The following RBFOX1 variants were observed in gnomAD, a reference collection of about 807,000 sequenced individuals.
RBFOX1 encodes the protein RNA binding protein fox-1 homolog 1.
Under a neutral mutation model 57.7 loss-of-function variants are expected in RBFOX1, and 8 were observed. The observed-to-expected ratio is 0.14, with a 90% confidence interval of 0.08 to 0.25. RBFOX1 has a LOEUF of 0.25. Among genes scored for constraint, RBFOX1 ranks in the 10% least tolerant of loss-of-function variants. RBFOX1 has a pLI of 1.00. For missense variants in RBFOX1, 611 were observed against 548.5 expected (o/e 1.11, Z -1.14); for synonymous variants, 326 against 222.4 (o/e 1.47, Z -4.15).
intron 4 of RBFOX1, among the ~76,000 whole-genome samples, chr16:5,955,112 C>T (rs1205310923): frequency 5.1e-5 from 1 of 19,478 alleles, no homozygotes; most frequent in Non-Finnish European, 8.5e-5. Flanking sequence ...GAAACTCCAT[C>T]TCTACTAAAA....
At chr16:7,082,305 G>T (rs2059322414) in intron 4 of RBFOX1, among the ~76,000 whole-genome samples, 2 of 152,142 alleles carry the variant, frequency 1.3e-5, no homozygotes, top group African/African-American at 4.8e-5. Context: ...TCCAGGCTGG[G>T]CGTGGTCGTT....
intron 3 of RBFOX1, among the ~76,000 whole-genome samples, chr16:5,829,776 G>C (rs1312486790): frequency 6.6e-6 from 1 of 152,152 alleles, no homozygotes; most frequent in Non-Finnish European, 1.5e-5. Context: ...TGCCCCAAAG[G>C]CCTTTGAATG....
intron 1 of RBFOX1, among the ~76,000 whole-genome samples, chr16:6,060,483 C>T (rs1194201772): frequency 6.6e-6 from 1 of 152,142 alleles, no homozygotes; most frequent in Non-Finnish European, 1.5e-5. Context: ...ATGAGACCTG[C>T]TCTCCTTGTC....
chr16:5,902,778 T>A (rs1232872762), intron 4 of RBFOX1, among the ~76,000 whole-genome samples: 1 of 152,142 alleles, frequency 6.6e-6, no homozygotes, highest in Non-Finnish European at 1.5e-5. Flanking sequence ...CCTCCTTTTT[T>A]TGATTCCAAG....
intron 5 of RBFOX1, among the ~76,000 whole-genome samples, chr16:7,573,830 G>T (rs896352676): frequency 1.1e-4 from 15 of 131,754 alleles, no homozygotes; most frequent in African/African-American, 3.0e-4. Flanking sequence ...ACAAGACTCT[G>T]TCTCAAAAAA....
intron 3 of RBFOX1, among the ~76,000 whole-genome samples, chr16:5,821,364 T>A (rs2055853454): frequency 1.3e-5 from 2 of 149,196 alleles, no homozygotes; most frequent in African/African-American, 5.0e-5. Flanking sequence ...GTTGCAATCA[T>A]GGCTTACGGC....
intron 1 of RBFOX1, among the ~76,000 whole-genome samples, chr16:6,209,391 A>G (rs1298490050): frequency 6.0e-5 from 2 of 33,176 alleles, no homozygotes; most frequent in Admixed American, 5.3e-4. Flanking sequence ...TTAATAATAA[A>G]CAAAGAATGT....
intron 2 of RBFOX1, among the ~76,000 whole-genome samples, chr16:6,392,728 A>G (rs1283758030): frequency 6.6e-6 from 1 of 152,240 alleles, no homozygotes; most frequent in Non-Finnish European, 1.5e-5. Context: ...TGGGACCTTG[A>G]GAACTAGATG....
chr16:7,321,118 CA>C (rs1368481358), intron 4 of RBFOX1, among the ~76,000 whole-genome samples: 1 of 140,574 alleles, frequency 7.1e-6, no homozygotes, highest in African/African-American at 2.5e-5. Context: ...TATACATATA[CA>C]TATACATATA....
chr16:6,367,873 A>C (rs1213963246), intron 2 of RBFOX1, among the ~76,000 whole-genome samples: 1 of 152,218 alleles, frequency 6.6e-6, no homozygotes, highest in African/African-American at 2.4e-5. Flanking sequence ...GGGTTGCCTA[A>C]ATCGTCAACT....
At chr16:5,496,564 A>G (rs2043008944) in intron 2 of RBFOX1, among the ~76,000 whole-genome samples, 1 of 152,120 alleles carries the variant, frequency 6.6e-6, no homozygotes, top group Non-Finnish European at 1.5e-5. Flanking sequence ...GGCATCATTT[A>G]GGAGGAAGCT....
chr16:6,102,204 G>C (rs545866475), intron 1 of RBFOX1, among the ~76,000 whole-genome samples: 51 of 144,064 alleles, frequency 3.5e-4, no homozygotes, highest in African/African-American at 1.3e-3. Context: ...AATGCACCCA[G>C]AAATGCATTT....
At chr16:6,242,084 A>C (rs1448121081) in intron 1 of RBFOX1, among the ~76,000 whole-genome samples, 1 of 152,200 alleles carries the variant, frequency 6.6e-6, no homozygotes, top group Non-Finnish European at 1.5e-5. Context: ...TGCACCTCCC[A>C]AAGGTGGTTT....
intron 4 of RBFOX1, among the ~76,000 whole-genome samples, chr16:5,983,867 C>T (rs1350497248): frequency 2.9e-5 from 4 of 138,308 alleles, no homozygotes; most frequent in African/African-American, 1.1e-4. Context: ...TCCTTCTTTC[C>T]TCCTCCTCCT....
chr16:5,648,205 C>A (rs940138930), intron 3 of RBFOX1, among the ~76,000 whole-genome samples: 9 of 152,180 alleles, frequency 5.9e-5, no homozygotes, highest in African/African-American at 2.2e-4. Context: ...ACAATACATA[C>A]GATATGCAGG....
chr16:5,284,681 GTA>G (rs2063348869), intron 1 of RBFOX1, among the ~76,000 whole-genome samples: 1 of 144,876 alleles, frequency 6.9e-6, no homozygotes, highest in African/African-American at 2.5e-5. Context: ...CTCTGGAATT[GTA>G]TATGTGAGCC....
rs902323761 is a variant in RBFOX1, at chr16:5,962,818, G to T, written c.351+95483G>T. On this transcript the variant is annotated intron_variant, in intron 4 of 19. Coordinates refer to the RBFOX1 transcript ENST00000641259. ...CTACGGTATGAGAAGTGAGGGTTTG[G>T]TTTTTTTTTTTTTTTTTTTAATATA... Among the ~76,000 whole-genome samples the T allele has an allele frequency of 7.4e-3, 995 of 135,368 alleles. 4 individuals carry two copies. Among genetic ancestry groups the T allele is most frequent in the Non-Finnish European group, 0.013 (806 of 62,998 alleles). The allele number at this position is 135,368 out of a possible 152,430, so 88.8% of individuals were successfully genotyped here.
chr16:5,454,902 C>CCTTTG (rs1555524177), intron 1 of RBFOX1, among the ~76,000 whole-genome samples: 6 of 66,728 alleles, frequency 9.0e-5, no homozygotes, highest in South Asian at 4.4e-4. Context: ...TTCTTTCTTT[C>CCTTTG]TTTCTTTCTT....
At chr16:7,342,721 T>C (rs140876426) in intron 4 of RBFOX1, among the ~76,000 whole-genome samples, 272 of 152,170 alleles carry the variant, frequency 1.8e-3, no homozygotes, top group African/African-American at 5.9e-3. Context: ...ACCATGGAGT[T>C]TGACATCTTG....
Sources: gnomAD v4.1 joint callset for allele counts (sites outside exome capture counted in the v4.1 genomes callset) on GRCh38, gnomAD v4.1.1 for gene constraint, MANE v1.5 for transcripts, NCBI Gene and HGNC (gene_info 2026-07-23, HGNC 2026-07-21) for gene names.